Variants in STK32B observed in about 807,000 individuals in gnomAD.
STK32B encodes the protein serine/threonine kinase 32B.
Under a neutral mutation model 52.6 loss-of-function variants are expected in STK32B, and 43 were observed. The ratio of observed to expected loss-of-function variants is 0.82; its 90% CI spans 0.64 to 1.05. STK32B has a LOEUF of 1.05. Ranked by LOEUF, STK32B falls within the 50% of genes least tolerant of loss-of-function variation. STK32B has a pLI of 0.00. For missense variants in STK32B, 621 were observed against 534.6 expected (o/e 1.16, Z -1.59); for synonymous variants, 238 against 204.3 (o/e 1.17, Z -1.41).
the STK32B span, among the ~76,000 whole-genome samples, chr4:5,045,308 C>T: frequency 1.3e-3 from 204 of 152,340 alleles, no homozygotes; most frequent in Admixed American, 3.9e-3. Flanking sequence ...CATGTGCCCT[C>T]CTGCCTTGGG....
intron 3 of STK32B, among the ~76,000 whole-genome samples, chr4:5,256,262 G>C (rs974726521): frequency 2.0e-5 from 3 of 152,176 alleles, no homozygotes; most frequent in Non-Finnish European, 4.4e-5. Flanking sequence ...TGTCTTTTAA[G>C]CCAGAGACCA....
At chr4:5,166,244 G>A (rs1221127867) in intron 2 of STK32B, among the ~76,000 whole-genome samples, 2 of 151,990 alleles carry the variant, frequency 1.3e-5, no homozygotes, top group Non-Finnish European at 1.5e-5. Flanking sequence ...CACACTGTGG[G>A]TGAAAAGTGA....
chr4:5,064,939 T>G (rs1006615735), intron 1 of STK32B, among the ~76,000 whole-genome samples: 7 of 151,096 alleles, frequency 4.6e-5, no homozygotes, highest in Non-Finnish European at 1.0e-4. Context: ...TGATGCAATA[T>G]TTCTTCTTAG....
rs78519918 is a variant in STK32B, at chr4:5,453,136, T to G, written c.667-3671T>G. Among the ~76,000 whole-genome samples the G allele has an allele frequency of 4.7e-3, 709 of 152,260 alleles. 19 individuals are homozygous for G. The East Asian group carries it at 0.069, about 15-fold the overall frequency. ...TTCTAAATGTATTTCCTGCACTGGC[T>G]TCCTAGTGCATTGGAGTTATTATTA... is the stretch of plus-strand genomic sequence containing the variant. On this transcript the variant is annotated intron_variant, in intron 7 of 11. Transcript: ENST00000282908. This position sits in a 1 kb window ranked among gnomAD's most constrained non-coding sequence, Gnocchi z 4.0.
intron 2 of STK32B, among the ~76,000 whole-genome samples, chr4:5,163,017 A>G (rs1718565379): frequency 6.6e-6 from 1 of 152,220 alleles, no homozygotes; most frequent in South Asian, 2.1e-4. Flanking sequence ...ACTGAGGACC[A>G]CTGACCTGCT....
chr4:5,100,354 T>TC (rs1425364486), intron 1 of STK32B, among the ~76,000 whole-genome samples: 20 of 103,450 alleles, frequency 1.9e-4, no homozygotes, highest in Admixed American at 8.1e-4. Context: ...CCTTCCTTCC[T>TC]CCCCCCAGCT....
At chr4:5,479,479 C>T (rs896052175) in intron 11 of STK32B, among the ~76,000 whole-genome samples, 2 of 152,122 alleles carry the variant, frequency 1.3e-5, no homozygotes, top group African/African-American at 4.8e-5. Context: ...TGGAATCATC[C>T]AAATATTTAA....
chr4:5,240,490 C>G (rs1269534006), intron 3 of STK32B, among the ~76,000 whole-genome samples: 2 of 152,238 alleles, frequency 1.3e-5, no homozygotes, highest in African/African-American at 4.8e-5. Flanking sequence ...GATGGAGTCT[C>G]ACTCTGTCAC....
chr4:5,483,398 A>G (rs1718884428), intron 11 of STK32B, among the ~76,000 whole-genome samples: 1 of 151,978 alleles, frequency 6.6e-6, no homozygotes, highest in African/African-American at 2.4e-5. Context: ...GTGTTCTCTG[A>G]TGGTAGCTTG....
At chr4:5,303,393 T>TATC (rs1729705043) in intron 3 of STK32B, among the ~76,000 whole-genome samples, 1 of 152,202 alleles carries the variant, frequency 6.6e-6, no homozygotes, top group African/African-American at 2.4e-5. Flanking sequence ...AGTGATGTGG[T>TATC]ATCGCATTGT....
intron 2 of STK32B, among the ~76,000 whole-genome samples, chr4:5,148,146 T>G (rs1717060096): frequency 6.6e-6 from 1 of 151,842 alleles, no homozygotes; most frequent in Non-Finnish European, 1.5e-5. Flanking sequence ...TTCAAGAAAT[T>G]AATCAATTTT....
At chr4:5,241,818 C>T (rs763485198) in intron 3 of STK32B, among the ~76,000 whole-genome samples, 3 of 152,110 alleles carry the variant, frequency 2.0e-5, no homozygotes, top group Non-Finnish European at 2.9e-5. Context: ...TCAGTGAGAA[C>T]ATGCGGTGTT....
the STK32B span, among the ~76,000 whole-genome samples, chr4:5,024,005 T>G: frequency 6.6e-6 from 1 of 152,318 alleles, no homozygotes; most frequent in East Asian, 1.9e-4. Flanking sequence ...AAGTCTGGGT[T>G]TTCTGGAAAG....
At chr4:5,485,151 A>G (rs1229421616) in intron 11 of STK32B, among the ~76,000 whole-genome samples, 5 of 151,952 alleles carry the variant, frequency 3.3e-5, no homozygotes, top group African/African-American at 9.7e-5. Flanking sequence ...GCTACACTGA[A>G]GAAGTTCTCC....
At chr4:5,060,244 G>T (rs946182367) in intron 1 of STK32B, among the ~76,000 whole-genome samples, 1 of 152,190 alleles carries the variant, frequency 6.6e-6, no homozygotes, top group Non-Finnish European at 1.5e-5. Context: ...GGGATAACAG[G>T]TGTGAGCCAC....
intron 4 of STK32B, among the ~76,000 whole-genome samples, chr4:5,342,245 G>A (rs1161940607): frequency 1.3e-5 from 2 of 152,120 alleles, no homozygotes; most frequent in Non-Finnish European, 2.9e-5. Flanking sequence ...AAAGACACAT[G>A]CACACGTATG....
At chr4:5,046,529 A>G (rs1741620940), upstream of STK32B, among the ~76,000 whole-genome samples, 1 of 152,250 alleles carries the variant, frequency 6.6e-6, no homozygotes, top group Admixed American at 6.5e-5. Context: ...ATCTATTTAA[A>G]TTAGCATCAG....
At chr4:5,179,563 T>C (rs1378478677) in intron 3 of STK32B, among the ~76,000 whole-genome samples, 1 of 152,106 alleles carries the variant, frequency 6.6e-6, no homozygotes, top group Non-Finnish European at 1.5e-5. Flanking sequence ...ATGATAGATA[T>C]AGATGATAGA....
At chr4:5,095,598 C>T (rs184648279) in intron 1 of STK32B, among the ~76,000 whole-genome samples, 81 of 152,294 alleles carry the variant, frequency 5.3e-4, no homozygotes, top group Admixed American at 1.4e-3. Flanking sequence ...CTGGGTGACA[C>T]AGCTTGACTT....
Sources: allele counts gnomAD v4.1 joint callset (sites outside exome capture counted in the v4.1 genomes callset), GRCh38; gene constraint gnomAD v4.1.1; non-coding constraint Gnocchi (gnomAD v3.1); transcripts MANE v1.5; gene names NCBI Gene and HGNC (gene_info 2026-07-23, HGNC 2026-07-21).